Variants in ERBB2 observed in about 807,000 individuals in gnomAD.
The protein encoded by ERBB2 is erb-b2 receptor tyrosine kinase 2, also known as receptor tyrosine-protein kinase erbB-2.
ERBB2 carries 61 observed loss-of-function variants against 149.0 expected under a neutral mutation model. The ratio of observed to expected loss-of-function variants is 0.41; its 90% confidence interval spans 0.33 to 0.51. The LOEUF (loss-of-function observed/expected upper bound fraction) is 0.51. ERBB2 is among the 20% of genes least tolerant of loss of function. The probability of loss-of-function intolerance (pLI) is 0.25; values close to 1 mark genes in which losing one functional copy is unlikely to be tolerated. For synonymous variants in ERBB2, 633 were observed against 678.8 expected (o/e 0.93, Z 1.05); for missense variants, 1,205 against 1,655.1 (o/e 0.73, Z 4.72).
intron 14 of ERBB2, chr17:39,717,105 G>T: frequency 2.0e-6 from 1 of 497,436 alleles, no homozygotes; most frequent in East Asian, 3.1e-5. Flanking sequence ...CCATTTTCTG[G>T]CTCAAGTCCC....
At chr17:39,689,099 T>G (rs1221250465) in intron 2 of ERBB2, among the ~76,000 whole-genome samples, 1 of 152,136 alleles carries the variant, frequency 6.6e-6, no homozygotes, top group South Asian at 2.1e-4. Context: ...CCTTGTCAAC[T>G]TTTCTTTTTC....
Position 39,726,824 on chromosome 17 carries a change from T to C in ERBB2, c.2980T>C (p.Leu994=), listed in dbSNP as rs2143168341. The C allele has an allele frequency of 6.2e-7, 1 of 1,612,084 alleles. No individual in the cohort carries two copies. Among genetic ancestry groups the C allele is most frequent in the Non-Finnish European group, 8.5e-7 (1 of 1,178,802 alleles). The change falls in exon 25 of 27, where the codon TTG becomes CTG. Residue 994 remains leucine (L), a synonymous_variant. Transcript: ENST00000269571. This position sits in a 1 kb window ranked among gnomAD's most constrained non-coding sequence, Gnocchi z 5.1. ...TCTCCTTCCTCCACAGAATGAGGAC[T>C]TGGGCCCAGCCAGTCCCTTGGACAG... ...QRFVVIQNED[L]GPASPLDSTF... is the part of the protein sequence containing the mutation.
chr17:39,691,934 CATATATATAT>C (rs57592884), upstream of ERBB2, among the ~76,000 whole-genome samples: 231 of 120,862 alleles, frequency 1.9e-3, no homozygotes, highest in African/African-American at 4.7e-3. Context: ...TATACATATA[CATATATATAT>C]ATATATATAT....
At chr17:39,697,341 GTTTTTTTGTTTTGTTT>G (rs1222631282), upstream of ERBB2, among the ~76,000 whole-genome samples, 403 of 137,848 alleles carry the variant, frequency 2.9e-3, 4 homozygotes, top group African/African-American at 0.011. Context: ...TGCTAGGGTT[GTTTTTTTGTTTTGTTT>G]TTTTTTTTTT....
At chr17:39,714,097 T>C (rs2058976556) in intron 9 of ERBB2, among the ~76,000 whole-genome samples, 1 of 151,952 alleles carries the variant, frequency 6.6e-6, no homozygotes, top group Non-Finnish European at 1.5e-5. Context: ...TCACACTTCC[T>C]TTACCTCCAC....
chr17:39,722,843 A>C (rs906353425), intron 16 of ERBB2, among the ~76,000 whole-genome samples: 1 of 151,924 alleles, frequency 6.6e-6, no homozygotes, highest in African/African-American at 2.4e-5. Context: ...CAGTCTCCCA[A>C]GTAGCTGGGA....
intron 16 of ERBB2, among the ~76,000 whole-genome samples, chr17:39,721,399 C>G (rs1232314591): frequency 6.6e-6 from 1 of 151,876 alleles, no homozygotes. Context: ...CTCAGCCCCC[C>G]AGTAGCTGGG....
chr17:39,723,807 C>A lies in ERBB2; in HGVS notation c.2209-105C>A. ...CAGCGGAGAAGGGAGCGGGGCCAAG[C>A]CCTAGGGTGGTGAAGGATGTTTGGA... On this transcript the variant is annotated intron_variant, in intron 18 of 26. Transcript: ENST00000269571. This position sits in a 1 kb window ranked among gnomAD's most constrained non-coding sequence, Gnocchi z 6.2. 2 of 1,489,746 alleles carry A rather than the reference C, an allele frequency of 1.3e-6. No homozygotes were observed. The highest frequency in any genetic ancestry group is 4.6e-5 in the East Asian group (2 of 43,756). The allele number at this position is 1,489,746 out of a possible 1,614,324, so 92.3% of individuals were successfully genotyped here.
upstream of ERBB2, among the ~76,000 whole-genome samples, chr17:39,693,765 AAATAAT>A (rs71355408): frequency 0.017 from 2,504 of 143,432 alleles, 74 homozygotes; most frequent in African/African-American, 0.058. Flanking sequence ...CTCGAAAATA[AAATAAT>A]AATAATAATA....
In ERBB2 at chr17:39,728,314, C is replaced by G. The variant is rs980944649; in HGVS notation, c.*270C>G. ...AGACTCTAGGGTCCAGTGGATGCCA[C>G]AGCCCAGCTTGGCCCTTTCCTTCCA... On this transcript the variant is annotated 3_prime_UTR_variant, in exon 27 of 27. Coordinates refer to ENST00000269571, the MANE Select transcript of ERBB2 (RefSeq NM_004448.4). The G allele has an allele frequency of 2.6e-6, 1 of 387,484 alleles. No homozygotes were observed. The highest frequency in any genetic ancestry group is 3.7e-5 in the East Asian group (1 of 27,034). The allele number at this position is 387,484 out of a possible 1,614,324, so 24.0% of individuals were successfully genotyped here. A position where few individuals can be genotyped will look rare whatever the true frequency, so the allele number is the denominator to read the frequency against.
At chr17:39,716,034 C>A in intron 12 of ERBB2, 95 bp downstream of exon 12, 1 of 1,263,040 alleles carries the variant, frequency 7.9e-7, no homozygotes, top group Non-Finnish European at 1.1e-6. Context: ...CTTGTGCAGA[C>A]TGCCCGTCTC....
Position 39,708,357 on chromosome 17 carries a change from C to A in ERBB2, c.262C>A (p.His88Asn). The A allele has an allele frequency of 6.2e-7, 1 of 1,614,178 alleles. No individual in the cohort carries two copies. The highest frequency in any genetic ancestry group is 1.1e-5 in the South Asian group (1 of 91,084). The change falls in exon 3 of 27, where the codon CAC (histidine) becomes AAC (asparagine). Residue 88 changes from histidine (H) to asparagine (N), a missense_variant. Coordinates refer to ENST00000269571, the MANE Select transcript of ERBB2 (RefSeq NM_004448.4). The stretch of plus-strand genomic sequence containing the variant: ...GGTGCAGGGCTACGTGCTCATCGCT[C>A]ACAACCAAGTGAGGCAGGTCCCACT... ...QEVQGYVLIA[H>N]NQVRQVPLQR...
At chr17:39,689,010 A>G (rs760639027) in intron 2 of ERBB2, among the ~76,000 whole-genome samples, 1 of 152,150 alleles carries the variant, frequency 6.6e-6, no homozygotes, top group Non-Finnish European at 1.5e-5. Context: ...CTGCACTCCC[A>G]TCAGCACCGA....
At chr17:39,703,985 G>A (rs1470996806) in intron 1 of ERBB2, among the ~76,000 whole-genome samples, 1 of 152,240 alleles carries the variant, frequency 6.6e-6, no homozygotes, top group Non-Finnish European at 1.5e-5. Flanking sequence ...AGAAACCTCA[G>A]GACTGGGGTC....
At chr17:39,693,768 T>TAAG (rs2057763945), upstream of ERBB2, among the ~76,000 whole-genome samples, 1 of 122,058 alleles carries the variant, frequency 8.2e-6, no homozygotes, top group Non-Finnish European at 1.5e-5. Context: ...GAAAATAAAA[T>TAAG]AATAATAATA....
chr17:39,728,087 G>A lies in ERBB2; in HGVS notation c.*43G>A. ...GCAGAAGCCCTGATGTGTCCTCAGG[G>A]AGCAGGGAAGGCCTGACTTCTGCTG... is the stretch of plus-strand genomic sequence containing the variant. On this transcript the variant is annotated 3_prime_UTR_variant, in exon 27 of 27. Transcript: ENST00000269571. The A allele has an allele frequency of 7.1e-7, 1 of 1,405,710 alleles. No individual in the cohort carries two copies. The allele number at this position is 1,405,710 out of a possible 1,614,324, so 87.1% of individuals were successfully genotyped here.
chr17:39,721,430 C>T (rs964192388), intron 16 of ERBB2, among the ~76,000 whole-genome samples: 4 of 152,090 alleles, frequency 2.6e-5, no homozygotes, highest in African/African-American at 7.2e-5. Context: ...TGCGCTACCA[C>T]GTCCGGCTAA....
Position 39,726,625 on chromosome 17 carries a change from T to C in ERBB2, c.2936T>C (p.Met979Thr). 1.2e-6 allele frequency: 2 copies of C among 1,614,198 alleles called. No homozygotes were observed. The highest frequency in any genetic ancestry group is 1.7e-6 in the Non-Finnish European group (2 of 1,180,020). The change falls in exon 24 of 27, where the codon ATG becomes ACG. Residue 979 changes from methionine (M) to threonine (T), a missense_variant. Physicochemically the swap from Met to Thr is moderately conservative, Grantham distance 81. Coordinates refer to ENST00000269571, the MANE Select transcript of ERBB2 (RefSeq NM_004448.4). The surrounding 1 kb of genome is among the most constrained non-coding windows in gnomAD (Gnocchi z 5.1). ...GAGTTGGTGTCTGAATTCTCCCGCA[T>C]GGCCAGGGACCCCCAGCGCTTTGTG... ...FRELVSEFSR[M>T]ARDPQRFVVI...
chr17:39,697,386 G>T (rs374382421), upstream of ERBB2, among the ~76,000 whole-genome samples: 12 of 131,168 alleles, frequency 9.1e-5, no homozygotes, highest in South Asian at 4.6e-4. Context: ...ACAGAGTTTC[G>T]CTCTTGTTGC....
Sources: allele counts gnomAD v4.1 joint callset (sites outside exome capture counted in the v4.1 genomes callset), GRCh38; gene constraint gnomAD v4.1.1; non-coding constraint Gnocchi (gnomAD v3.1); transcripts MANE v1.5; gene names NCBI Gene and HGNC (gene_info 2026-07-23, HGNC 2026-07-21).